MCTP1: variants seen among roughly 807,000 people sequenced by gnomAD.
MCTP1 encodes the protein multiple C2 and transmembrane domain containing 1, also known as multiple C2 and transmembrane domain-containing protein 1.
Under a neutral mutation model 120.6 loss-of-function variants are expected in MCTP1, and 69 were observed. That is an observed-to-expected ratio of 0.57 (90% CI 0.47 to 0.70). The LOEUF is 0.70. Among genes scored for constraint, MCTP1 ranks in the 30% least tolerant of loss-of-function variants. The pLI is 0.00. For missense variants in MCTP1, 1,203 were observed against 1,248.8 expected, an observed-to-expected ratio of 0.96 and a Z score of 0.55; for synonymous variants, 529 against 493.1, an observed-to-expected ratio of 1.07 and a Z score of -0.96.
At chr5:94,892,586 T>C (rs1581218009) in intron 11 of MCTP1, among the ~76,000 whole-genome samples, 1 of 152,136 alleles carries the variant, frequency 6.6e-6, no homozygotes, top group South Asian at 2.1e-4. Context: ...CAGAGCGATG[T>C]TTGTTTAATT....
At chr5:95,029,629 A>C (rs1839925274) in intron 1 of MCTP1, among the ~76,000 whole-genome samples, 1 of 53,124 alleles carries the variant, frequency 1.9e-5, no homozygotes. Context: ...TGGTGAGAGC[A>C]CTTCTCTCTC....
intron 17 of MCTP1, among the ~76,000 whole-genome samples, chr5:94,819,616 G>A (rs1054541029): frequency 6.6e-6 from 1 of 152,126 alleles, no homozygotes; most frequent in Non-Finnish European, 1.5e-5. Context: ...GTAGACAATA[G>A]GTCCAATGTG....
intron 5 of MCTP1, among the ~76,000 whole-genome samples, chr5:94,939,727 G>A (rs199670719): frequency 6.6e-6 from 1 of 151,962 alleles, no homozygotes; most frequent in East Asian, 1.9e-4. Context: ...AGTCAAAACA[G>A]CAGGGTCTGG....
intron 1 of MCTP1, among the ~76,000 whole-genome samples, chr5:95,046,074 A>C (rs1843084763): frequency 6.6e-6 from 1 of 152,188 alleles, no homozygotes; most frequent in South Asian, 2.1e-4. Flanking sequence ...GTTAGCTAAG[A>C]GTGCTATATT....
intron 1 of MCTP1, among the ~76,000 whole-genome samples, chr5:95,144,514 T>A (rs1760211330): frequency 6.7e-6 from 1 of 148,730 alleles, no homozygotes. Flanking sequence ...TTCGGCTTTG[T>A]TTTTTACAGT....
At chr5:94,788,156 G>C (rs2152974601) in intron 18 of MCTP1, among the ~76,000 whole-genome samples, 1 of 152,280 alleles carries the variant, frequency 6.6e-6, no homozygotes, top group Non-Finnish European at 1.5e-5. Context: ...AACGCTACCA[G>C]AACATTCAGT....
intron 1 of MCTP1, among the ~76,000 whole-genome samples, chr5:95,126,284 A>C (rs1473242241): frequency 6.6e-6 from 1 of 152,200 alleles, no homozygotes; most frequent in African/African-American, 2.4e-5. Flanking sequence ...CCTCCCACTT[A>C]TTGATTAGTA....
Position 94,862,598 on chromosome 5 carries a change from C to G in MCTP1, c.2436+5735G>C, listed in dbSNP as rs1796016138. Among the ~76,000 whole-genome samples the G allele has an allele frequency of 7.9e-5, 12 of 151,842 alleles. No homozygotes were observed. The South Asian group carries it at 2.5e-3, about 32-fold the overall frequency. Reference sequence around the variant, plus strand: ...GTTATTATCTGGCTTGCTATATTTCCTAAGATTCAGGGTTGATTTTAGCCA... The same window carrying G: ...GTTATTATCTGGCTTGCTATATTTCGTAAGATTCAGGGTTGATTTTAGCCA... On this transcript the variant is annotated intron_variant, in intron 17 of 22. Transcript: ENST00000515393.
intron 1 of MCTP1, among the ~76,000 whole-genome samples, chr5:95,046,119 G>A (rs1407193998): frequency 6.6e-6 from 1 of 152,124 alleles, no homozygotes; most frequent in Non-Finnish European, 1.5e-5. Flanking sequence ...ATTGTGAGCC[G>A]ATGAACTCTG....
intron 17 of MCTP1, chr5:94,826,814 A>G (rs569499336): frequency 9.9e-6 from 2 of 201,240 alleles, no homozygotes; most frequent in East Asian, 9.0e-5. Flanking sequence ...TTTGCTTTTC[A>G]TTTGCTTGGT....
intron 1 of MCTP1, among the ~76,000 whole-genome samples, chr5:95,032,976 G>A (rs1840578081): frequency 6.6e-6 from 1 of 151,982 alleles, no homozygotes; most frequent in Non-Finnish European, 1.5e-5. Flanking sequence ...ACATCTCCAT[G>A]CACACAAATT....
chr5:95,171,329 G>T (rs251072), intron 1 of MCTP1, among the ~76,000 whole-genome samples: 104,587 of 152,012 alleles, frequency 0.69, 36,352 homozygotes, highest in African/African-American at 0.71. Flanking sequence ...CCTTTCTCTC[G>T]GGCTGCCCTT....
At chr5:95,196,447 C>T (rs1380179252) in intron 1 of MCTP1, among the ~76,000 whole-genome samples, 1 of 152,128 alleles carries the variant, frequency 6.6e-6, no homozygotes, top group African/African-American at 2.4e-5. Context: ...AGGTTAAATA[C>T]AGATCTGCTT....
intron 1 of MCTP1, among the ~76,000 whole-genome samples, chr5:95,152,499 T>G (rs568765408): frequency 5.9e-5 from 9 of 152,314 alleles, no homozygotes; most frequent in Admixed American, 3.9e-4. Flanking sequence ...ATTTGGAAAC[T>G]AGGAAATGTT....
chr5:95,003,273 C>A (rs1265985106), intron 2 of MCTP1, among the ~76,000 whole-genome samples: 2 of 151,980 alleles, frequency 1.3e-5, no homozygotes, highest in African/African-American at 2.4e-5. Flanking sequence ...TCTACTGTAC[C>A]TTTTCTATGT....
chr5:95,091,752 A>G (rs1481553202), intron 1 of MCTP1, among the ~76,000 whole-genome samples: 1 of 152,232 alleles, frequency 6.6e-6, no homozygotes, highest in Non-Finnish European at 1.5e-5. Context: ...CCTTTCACAC[A>G]TTCCTGACTC....
intron 11 of MCTP1, 23 bp downstream of exon 11, chr5:94,894,625 GA>G (rs1425074799): frequency 3.3e-6 from 5 of 1,519,348 alleles, no homozygotes; most frequent in Non-Finnish European, 4.5e-6. Flanking sequence ...TGTGTCTCTG[GA>G]AGGAGGAGGG....
At chr5:94,830,808 AT>A (rs34908967) in intron 17 of MCTP1, among the ~76,000 whole-genome samples, 4,275 of 152,234 alleles carry the variant, frequency 0.028, 166 homozygotes, top group East Asian at 0.18. Context: ...CATTTCTTAA[AT>A]TTCACTGACT....
In MCTP1 at chr5:94,870,402, T is replaced by C; in HGVS notation, c.2316+15A>G. On this transcript the variant is annotated intron_variant, in intron 16 of 22. Coordinates refer to ENST00000515393, the MANE Select transcript of MCTP1 (RefSeq NM_024717.7). ...CAGGTCTTCCCAGAGGGATTAATCT[T>C]TTCTTGCTTTTTACCTGTTTAGAGA... 1.9e-6 allele frequency: 3 copies of C among 1,559,020 alleles called. No homozygotes were observed. Among genetic ancestry groups the C allele is most frequent in the South Asian group, 1.1e-5 (1 of 89,734 alleles).
Sources: allele counts gnomAD v4.1 joint callset (sites outside exome capture counted in the v4.1 genomes callset), GRCh38; gene constraint gnomAD v4.1.1; transcripts MANE v1.5; gene names NCBI Gene and HGNC (gene_info 2026-07-23, HGNC 2026-07-21).